The following ATG13 variants were observed in gnomAD, a reference collection of about 807,000 sequenced individuals.
ATG13 encodes autophagy related 13, also known as autophagy-related protein 13.
A neutral mutation model predicts 65.5 loss-of-function variants in ATG13; 23 were observed. The observed-to-expected ratio is 0.35, with a 90% confidence interval of 0.25 to 0.50. ATG13 has a LOEUF of 0.50. Among genes scored for constraint, ATG13 ranks in the 20% least tolerant of loss-of-function variants. The pLI, the probability that ATG13 is intolerant of heterozygous loss-of-function variation, is 0.98. For synonymous variants in ATG13, 252 were observed against 245.2 expected, an observed-to-expected ratio of 1.03 and a Z score of -0.26; for missense variants, 566 against 677.0, an observed-to-expected ratio of 0.84 and a Z score of 1.82.
chr11:46,627,565 G>T (rs1175268327), intron 1 of ATG13, among the ~76,000 whole-genome samples: 1 of 151,734 alleles, frequency 6.6e-6, no homozygotes, highest in Non-Finnish European at 1.5e-5. Flanking sequence ...TCGCCTCCTG[G>T]GTTCAAGCGA....
chr11:46,622,076 CATATATATATATAT>C (rs58391951), intron 1 of ATG13, among the ~76,000 whole-genome samples: 1,175 of 71,780 alleles, frequency 0.016, 17 homozygotes, highest in South Asian at 0.047. Flanking sequence ...TATTTATTTA[CATATATATATATAT>C]ATATATATAT....
At chr11:46,649,031 TC>T (rs2058351368) in intron 5 of ATG13, 105 bp from the exon 6 acceptor site, 4 of 899,940 alleles carry the variant, frequency 4.4e-6, no homozygotes, top group Non-Finnish European at 6.5e-6. Flanking sequence ...TGATATCTAT[TC>T]TTTTTTTTTT....
rs941121967 is a variant in ATG13, at chr11:46,650,603, TTTTA to T, written c.458+303_458+306del. On this transcript the variant is annotated intron_variant, in intron 7 of 18. Transcript: ENST00000683050. ...TAGAGCTAGGGAAGGAAGTCAAGAGTTTTATTTATTTATTTATTTAGAGACGGAG... is the reference window on the plus strand; with the variant it reads ...TAGAGCTAGGGAAGGAAGTCAAGAGTTTTATTTATTTATTTAGAGACGGAG... Among the ~76,000 whole-genome samples, 16 of 151,916 alleles carry T rather than the reference TTTTA, an allele frequency of 1.1e-4. No individual in the cohort carries two copies. In the South Asian group the frequency reaches 3.1e-3, roughly 30 times the overall value.
intron 15 of ATG13, 84 bp from the exon 16 acceptor site, chr11:46,668,415 C>T (rs971139362): frequency 2.5e-5 from 34 of 1,380,442 alleles, no homozygotes; most frequent in Non-Finnish European, 3.2e-5. Context: ...ACTTGCTGGA[C>T]CTCTAGGCTT....
Position 46,672,248 on chromosome 11 carries a change from G to C in ATG13, c.1576-7G>C, listed in dbSNP as rs776378249. On this transcript the variant is annotated splice_region_variant and splice_polypyrimidine_tract_variant and intron_variant, in intron 18 of 18. Coordinates refer to ENST00000683050, the MANE Select transcript of ATG13 (RefSeq NM_001346311.2). ...ATAAACGGCTCTTCCCTCTCTTTCC[G>C]GTACAGGACTCATTACCAGAGAAGC... 1 of 1,614,090 alleles carries C rather than the reference G, an allele frequency of 6.2e-7. No homozygotes were observed. The highest frequency in any genetic ancestry group is 8.5e-7 in the Non-Finnish European group (1 of 1,179,966).
rs188842091 is a variant in ATG13, at chr11:46,640,250, C to T, written c.-13-4029C>T. 3.9e-5 allele frequency among the ~76,000 whole-genome samples: 6 copies of T among 152,204 alleles called. No homozygotes were observed. The East Asian group carries it at 5.8e-4, about 15-fold the overall frequency. ...TACAAGGAAGTGGGTCAAAGTACAG[C>T]GTGATTAATGGTTAATTATATTTCT... On this transcript the variant is annotated intron_variant, in intron 2 of 18. Coordinates refer to ENST00000683050, the MANE Select transcript of ATG13 (RefSeq NM_001346311.2).
chr11:46,669,447 G>T lies in ATG13; in HGVS notation c.1490G>T (p.Gly497Val), dbSNP rs750438463. The change falls in exon 18 of 19, where the codon GGG becomes GTG. Residue 497 changes from glycine (G) to valine (V), a missense_variant. Gly to Val is a moderately radical substitution (Grantham distance 109, BLOSUM62 -3). Transcript: ENST00000683050. ...SKDDILPMDL[G>V]TFYREFQNPP... ...GATGACATTCTTCCGATGGACCTGG[G>T]GACCTTCTATCGGGAGTTTCAGAAC... The T allele has an allele frequency of 1.2e-6, 2 of 1,613,996 alleles. No homozygotes were observed. Among genetic ancestry groups the T allele is most frequent in the African/African-American group, 1.3e-5 (1 of 74,930 alleles).
intron 14 of ATG13, among the ~76,000 whole-genome samples, chr11:46,666,188 G>T (rs1313873130): frequency 6.6e-6 from 1 of 152,206 alleles, no homozygotes; most frequent in African/African-American, 2.4e-5. Flanking sequence ...TATCTGCTGG[G>T]ATGTCAGGAA....
intron 1 of ATG13, among the ~76,000 whole-genome samples, chr11:46,620,250 C>T (rs983818043): frequency 2.7e-5 from 4 of 150,654 alleles, no homozygotes; most frequent in Non-Finnish European, 5.9e-5. Context: ...CCCGCCACCA[C>T]GCCTGGCTAA....
intron 17 of ATG13, 39 bp from the exon 18 acceptor site, chr11:46,669,365 T>C: frequency 6.2e-7 from 1 of 1,611,810 alleles, no homozygotes; most frequent in South Asian, 1.1e-5. Flanking sequence ...TCCTCTGTGG[T>C]TCAAGGCAAG....
At position 46,673,681 on chromosome 11, in the gene ATG13, G is replaced by GGGTGT; in HGVS notation, c.*1349_*1350insGGTGT. ...GTTGAGAAATCAAAGCTGGGCGTAT[G>GGGTGT]ATTGACTTAACCCTTCAGGTATTGT... is the stretch of plus-strand genomic sequence containing the variant. On this transcript the variant is annotated 3_prime_UTR_variant, in exon 19 of 19. Transcript: ENST00000683050. 1 of 152,202 alleles carries GGGTGT rather than the reference G, an allele frequency of 6.6e-6. No homozygotes were observed. Among genetic ancestry groups the GGGTGT allele is most frequent in the Admixed American group, 6.5e-5 (1 of 15,270 alleles). 9.4% of individuals were successfully genotyped at this position (152,202 alleles called of 1,614,324 possible).
chr11:46,632,849 TTCTC>T (rs1012480789), intron 2 of ATG13, among the ~76,000 whole-genome samples: 2 of 151,376 alleles, frequency 1.3e-5, no homozygotes, highest in South Asian at 2.1e-4. Context: ...ACACATCTCT[TTCTC>T]TCTACTTTCT....
In ATG13 at chr11:46,637,588, T is replaced by C. The variant is rs537481910; in HGVS notation, c.-13-6691T>C. ...CAGGGTTTTGCCATGTTGGCCAGGA[T>C]GGTCGCAAATTCCTGACCTCAAGTG... On this transcript the variant is annotated intron_variant, in intron 2 of 18. Transcript: ENST00000683050. Among the ~76,000 whole-genome samples the C allele has an allele frequency of 3.3e-5, 5 of 152,304 alleles. No individual in the cohort carries two copies. The South Asian group carries it at 1.0e-3, about 32-fold the overall frequency.
Position 46,665,409 on chromosome 11 carries a change from G to A in ATG13, c.1026G>A (p.Gly342=), listed in dbSNP as rs147132003. 338 of 1,613,922 alleles carry A rather than the reference G, an allele frequency of 2.1e-4. No homozygotes were observed. Among genetic ancestry groups the A allele is most frequent in the Non-Finnish European group, 2.7e-4 (318 of 1,179,990 alleles). ...HQLMVPGKEG[G]VPLAPNQPVH... is the part of the protein sequence containing the mutation. ...TGATGGTTCCTGGGAAGGAAGGTGGGGTACCCCTTGCTCCCAACCAGCCTG... is the reference window on the plus strand; with the variant it reads ...TGATGGTTCCTGGGAAGGAAGGTGGAGTACCCCTTGCTCCCAACCAGCCTG... Residue 342 remains glycine (G), a synonymous_variant, in exon 14 of 19, where the codon GGG becomes GGA. Coordinates refer to ENST00000683050, the MANE Select transcript of ATG13 (RefSeq NM_001346311.2).
rs2062920587 is a variant in ATG13 at position 46,668,503 on chromosome 11, C to A, written c.1256C>A (p.Thr419Asn). 1.2e-6 allele frequency: 2 copies of A among 1,613,788 alleles called. No homozygotes were observed. Among genetic ancestry groups the A allele is most frequent in the Non-Finnish European group, 8.5e-7 (1 of 1,179,770 alleles). The change falls in exon 16 of 19, where the codon ACC becomes AAC. Residue 419 changes from threonine (T) to asparagine (N), a missense_variant. Physicochemically the swap from Thr to Asn is moderately conservative, Grantham distance 65. Coordinates refer to ENST00000683050, the MANE Select transcript of ATG13 (RefSeq NM_001346311.2). ...TTTTCTCCTGTGTCTCTTCAGGTGA[C>A]CCTGACGAGTTTGGATATACCCTTT... ...AFVNKPINQV[T>N]LTSLDIPFAM...
intron 7 of ATG13, among the ~76,000 whole-genome samples, chr11:46,655,926 G>T (rs1390074753): frequency 1.3e-5 from 2 of 152,096 alleles, no homozygotes; most frequent in Non-Finnish European, 2.9e-5. Context: ...TCAATGCAGG[G>T]TCTTGCTGTG....
Position 46,657,041 on chromosome 11 carries a change from G to T in ATG13, c.500-54G>T, listed in dbSNP as rs117856605. ...AATAATTCAGGGAAAGACGGTCTGGGGGCAGTGTCAGTATTCTCTGCAAAA... is the reference window on the plus strand; with the variant it reads ...AATAATTCAGGGAAAGACGGTCTGGTGGCAGTGTCAGTATTCTCTGCAAAA... On this transcript the variant is annotated intron_variant, in intron 8 of 18. Transcript: ENST00000683050. The T allele has an allele frequency of 2.9e-4, 413 of 1,416,324 alleles. 2 individuals carry two copies. In the East Asian group the frequency reaches 6.4e-3, roughly 22 times the overall value. 87.7% of individuals were successfully genotyped at this position (1,416,324 alleles called of 1,614,324 possible). A position where few individuals can be genotyped will look rare whatever the true frequency, so the allele number is the denominator to read the frequency against.
intron 7 of ATG13, 65 bp downstream of exon 7, chr11:46,650,382 A>G: frequency 1.9e-6 from 3 of 1,551,286 alleles, no homozygotes; most frequent in Non-Finnish European, 2.6e-6. Flanking sequence ...ATTGTCTGGC[A>G]TTTAGATGTT....
rs777570498 is a variant in ATG13 at position 46,657,153 on chromosome 11, T to C, written c.558T>C (p.Ser186=). 2.5e-6 allele frequency: 4 copies of C among 1,614,046 alleles called. No homozygotes were observed. The East Asian group carries it at 8.9e-5, about 36-fold the overall frequency. ...CCCCTGTGGGCACCATCACTCTTTCTTGTGCTTACAGAATTAACTTGGCAT... is the reference window on the plus strand; with the variant it reads ...CCCCTGTGGGCACCATCACTCTTTCCTGTGCTTACAGAATTAACTTGGCAT... ...VGTPVGTITL[S]CAYRINLAFM... Residue 186 remains serine, a synonymous_variant, in exon 9 of 19, where the codon TCT becomes TCC. Coordinates refer to ENST00000683050, the MANE Select transcript of ATG13 (RefSeq NM_001346311.2).
Sources: allele counts gnomAD v4.1 joint callset (sites outside exome capture counted in the v4.1 genomes callset), GRCh38; gene constraint gnomAD v4.1.1; transcripts MANE v1.5; gene names NCBI Gene and HGNC (gene_info 2026-07-23, HGNC 2026-07-21).